The following DMD variants were observed in gnomAD, a reference collection of about 807,000 sequenced individuals.
DMD encodes dystrophin.
A neutral mutation model predicts 330.1 loss-of-function variants in DMD; 63 were observed. The ratio of observed to expected loss-of-function variants is 0.19; its 90% CI spans 0.16 to 0.24. The LOEUF is 0.24. Among genes scored for constraint, DMD ranks in the 10% least tolerant of loss-of-function variants. The pLI, the probability that DMD is intolerant of heterozygous loss-of-function variation, is 1.00. For synonymous variants in DMD, 1,223 were observed against 959.8 expected (o/e 1.27, Z -5.07); for missense variants, 3,344 against 2,684.1 (o/e 1.25, Z -5.43).
At chrX:33,004,817 A>G (rs997770230) in intron 2 of DMD, among the ~76,000 whole-genome samples, 1 of 111,251 alleles carries the variant, frequency 9.0e-6, no homozygotes, top group Admixed American at 9.6e-5. Context: ...AGTTTTAAAC[A>G]TAGGTACTGA....
At chrX:31,165,574 G>C (rs1434631335) in intron 74 of DMD, among the ~76,000 whole-genome samples, 1 of 111,280 alleles carries the variant, frequency 9.0e-6, no homozygotes, top group Non-Finnish European at 1.9e-5. Flanking sequence ...ACAGTGCAGA[G>C]ACAAATACAT....
chrX:32,781,034 C>A (rs900813628), intron 7 of DMD, among the ~76,000 whole-genome samples: 1 of 107,448 alleles, frequency 9.3e-6, no homozygotes, highest in Non-Finnish European at 1.9e-5. Flanking sequence ...AGGAGAATAG[C>A]GTGAACCCGG....
At chrX:32,569,110 T>G (rs187290221) in intron 15 of DMD, among the ~76,000 whole-genome samples, 1 of 111,314 alleles carries the variant, frequency 9.0e-6, no homozygotes, top group Non-Finnish European at 1.9e-5. Context: ...AAGCCAGGAA[T>G]GTAGACCTAC....
At chrX:31,818,108 G>A (rs1049853363) in intron 50 of DMD, among the ~76,000 whole-genome samples, 4 of 111,991 alleles carry the variant, frequency 3.6e-5, no homozygotes, top group African/African-American at 1.3e-4. Flanking sequence ...GATTCAGTGG[G>A]TCTAGGATAG....
At chrX:32,538,013 G>A (rs906013715) in intron 17 of DMD, among the ~76,000 whole-genome samples, 1 of 112,300 alleles carries the variant, frequency 8.9e-6, no homozygotes, top group African/African-American at 3.2e-5. Context: ...CACAGGTAAC[G>A]AACAAGAAAT....
chrX:31,503,755 T>A (rs761312849), intron 56 of DMD, among the ~76,000 whole-genome samples: 1 of 110,395 alleles, frequency 9.1e-6, no homozygotes, highest in African/African-American at 3.3e-5. Context: ...AGTGAGGAAA[T>A]TGTTGGAGAG....
chrX:32,566,004 G>A (rs752388307), intron 15 of DMD, 123 bp from the exon 16 acceptor site: 44 of 606,347 alleles, frequency 7.3e-5, no homozygotes, highest in South Asian at 2.7e-4. Flanking sequence ...AATCGTGCCC[G>A]CAAAGGATCA....
At chrX:32,076,703 G>A (rs2096354964) in intron 44 of DMD, among the ~76,000 whole-genome samples, 1 of 111,496 alleles carries the variant, frequency 9.0e-6, no homozygotes, top group Admixed American at 9.5e-5. Flanking sequence ...AATAAGAGAT[G>A]CAGCAAAGAA....
At chrX:32,932,579 A>G (rs1273039343) in intron 2 of DMD, among the ~76,000 whole-genome samples, 5 of 112,251 alleles carry the variant, frequency 4.5e-5, no homozygotes, top group African/African-American at 1.3e-4. Context: ...AATAAATATC[A>G]TAAGGGTGAA....
intron 16 of DMD, among the ~76,000 whole-genome samples, chrX:32,554,929 GAAAGAAAGAA>G (rs1364295588): frequency 1.5e-4 from 3 of 19,683 alleles, no homozygotes; most frequent in African/African-American, 4.1e-4. Flanking sequence ...AAGAAAGAAA[GAAAGAAAGAA>G]AGAGAGAGAG....
intron 1 of DMD, among the ~76,000 whole-genome samples, chrX:33,150,490 C>A (rs929012599): frequency 9.2e-6 from 1 of 109,247 alleles, no homozygotes; most frequent in Admixed American, 1.0e-4. Context: ...GTTGGGGTTT[C>A]GCCATACTGG....
At chrX:31,841,557 C>T (rs887808493) in intron 48 of DMD, among the ~76,000 whole-genome samples, 2 of 111,515 alleles carry the variant, frequency 1.8e-5, no homozygotes, top group African/African-American at 6.5e-5. Context: ...TGCCTGGCTT[C>T]GAAAGTTCAA....
chrX:31,653,342 T>TGC, intron 54 of DMD, among the ~76,000 whole-genome samples: 1 of 111,809 alleles, frequency 8.9e-6, no homozygotes, highest in Admixed American at 9.4e-5. Context: ...TATGCATGCA[T>TGC]ATGCATATAC....
At chrX:32,647,524 T>C (rs2059858422) in intron 9 of DMD, among the ~76,000 whole-genome samples, 1 of 111,652 alleles carries the variant, frequency 9.0e-6, no homozygotes, top group Admixed American at 9.5e-5. Context: ...TCATATCCTT[T>C]CCTACTCCTG....
rs747911406 is a variant in DMD at position 32,398,166 on chromosome X, G to GA, written c.4234-7986dup. 1.9e-4 allele frequency among the ~76,000 whole-genome samples: 20 copies of GA among 106,659 alleles called. No homozygotes were observed. The Middle Eastern group carries it at 0.024, about 126-fold the overall frequency. 92.6% of individuals were successfully genotyped at this position (106,659 alleles called of 115,157 possible). A position where few individuals can be genotyped will look rare whatever the true frequency, so the allele number is the denominator to read the frequency against. ...TGCAAGAAATATAATTATTTTCATA[G>GA]AAAAAAAATGTTGAAAAGTTTCAGG... On this transcript the variant is annotated intron_variant, in intron 30 of 78. Coordinates refer to ENST00000357033, the MANE Select transcript of DMD (RefSeq NM_004006.3).
At chrX:32,381,687 C>T (rs765814148) in intron 33 of DMD, among the ~76,000 whole-genome samples, 1 of 111,228 alleles carries the variant, frequency 9.0e-6, no homozygotes, top group Non-Finnish European at 1.9e-5. Context: ...ACTTGCAAAT[C>T]GTTAATTACA....
intron 2 of DMD, among the ~76,000 whole-genome samples, chrX:33,008,973 T>C (rs768373852): frequency 3.3e-4 from 31 of 94,522 alleles, no homozygotes; most frequent in African/African-American, 1.0e-3. Context: ...TATGTGTATA[T>C]ACACTTATGT....
chrX:31,877,276 T>C (rs1331958648), intron 47 of DMD, among the ~76,000 whole-genome samples: 1 of 111,880 alleles, frequency 8.9e-6, no homozygotes, highest in African/African-American at 3.3e-5. Context: ...TGCAGGTCAG[T>C]CTGGGACTGA....
chrX:32,453,522 A>G (rs1230578451), intron 26 of DMD, among the ~76,000 whole-genome samples: 2 of 111,198 alleles, frequency 1.8e-5, no homozygotes, highest in South Asian at 3.7e-4. Flanking sequence ...GCTATTAACT[A>G]TAATAGATAT....
Sources: allele counts gnomAD v4.1 joint callset (sites outside exome capture counted in the v4.1 genomes callset), GRCh38; gene constraint gnomAD v4.1.1; transcripts MANE v1.5; gene names NCBI Gene and HGNC (gene_info 2026-07-23, HGNC 2026-07-21).